The following NF1 variants were observed in gnomAD, a reference collection of about 807,000 sequenced individuals.
The protein encoded by NF1 is neurofibromin 1, also known as neurofibromin.
In NF1, 122 loss-of-function variants were observed where a neutral mutation model predicts 325.7. That is an observed-to-expected ratio of 0.37 (90% CI 0.32 to 0.44). NF1 has a LOEUF of 0.44. Among genes scored for constraint, NF1 ranks in the 20% least tolerant of loss-of-function variants. The pLI is 1.00. For synonymous variants in NF1, 1,091 were observed against 1,186.0 expected (o/e 0.92, Z 1.65); for missense variants, 2,140 against 3,415.4 (o/e 0.63, Z 9.31).
chr17:31,368,579 G>T (rs1238002028), intron 57 of NF1, among the ~76,000 whole-genome samples: 1 of 152,054 alleles, frequency 6.6e-6, no homozygotes, highest in Non-Finnish European at 1.5e-5. Context: ...ATTCTATTTT[G>T]TGCTTATTTA....
At position 31,229,192 on chromosome 17, in the gene NF1, C is replaced by T. The variant is rs746208651; in HGVS notation, c.2577C>T (p.Gly859=). 1.2e-6 allele frequency: 2 copies of T among 1,611,828 alleles called. No homozygotes were observed. The highest frequency in any genetic ancestry group is 1.7e-5 in the Admixed American group (1 of 59,970). The stretch of plus-strand genomic sequence containing the variant: ...GCCTCCAGCAGAGAAGCAATTCTGG[C>T]CTGGCAACCTATAGCCCACCCATGG... ...GVCLQQRSNS[G]LATYSPPMGP... is the part of the protein sequence containing the mutation. Residue 859 remains glycine (G), a synonymous_variant, in exon 21 of 58, where the codon GGC becomes GGT. Coordinates refer to ENST00000358273, the MANE Select transcript of NF1 (RefSeq NM_001042492.3).
Position 31,175,107 on chromosome 17 carries a change from C to CAAAA in NF1, c.586+5132_586+5135dup, listed in dbSNP as rs1171161386. On this transcript the variant is annotated intron_variant, in intron 5 of 57. Coordinates refer to ENST00000358273, the MANE Select transcript of NF1 (RefSeq NM_001042492.3). Reference sequence around the variant, plus strand: ...TGAGCGACAGAGCAAGACTCCATCTCAAAAAAAAAAAAAAAAAAAAAAAAA... The same window carrying CAAAA: ...TGAGCGACAGAGCAAGACTCCATCTCAAAAAAAAAAAAAAAAAAAAAAAAAAAAA... 5.1e-3 allele frequency among the ~76,000 whole-genome samples: 146 copies of CAAAA among 28,816 alleles called. 2 individuals carry two copies. The highest frequency in any genetic ancestry group is 6.2e-3 in the Non-Finnish European group (112 of 18,072). 18.9% of individuals were successfully genotyped at this position (28,816 alleles called of 152,430 possible). A position where few individuals can be genotyped will look rare whatever the true frequency, so the allele number is the denominator to read the frequency against.
At chr17:31,222,333 T>C (rs879343771) in intron 15 of NF1, 31 of 1,039,450 alleles carry the variant, frequency 3.0e-5, no homozygotes, top group Non-Finnish European at 3.6e-5. Flanking sequence ...GTAATACCAA[T>C]GCTTTCGATG....
In NF1 at chr17:31,249,122, A is replaced by C. The variant is rs774669878; in HGVS notation, c.4110+3A>C. On this transcript the variant is annotated splice_donor_region_variant and intron_variant, in intron 30 of 57. Coordinates refer to ENST00000358273, the MANE Select transcript of NF1 (RefSeq NM_001042492.3). ...GTGTGTGCCACTGTTTATACCAGGT[A>C]TGCTTACAGTTAGAGATTACCATTA... The C allele has an allele frequency of 1.9e-6, 3 of 1,613,768 alleles. No individual in the cohort carries two copies. The highest frequency in any genetic ancestry group is 2.5e-6 in the Non-Finnish European group (3 of 1,179,820).
At position 31,259,125 on chromosome 17, in the gene NF1, C is replaced by T. The variant is rs771420960; in HGVS notation, c.4426C>T (p.Arg1476Cys). 14 of 1,596,304 alleles carry T rather than the reference C, an allele frequency of 8.8e-6. No individual in the cohort carries two copies. The highest frequency in any genetic ancestry group is 2.2e-5 in the East Asian group (1 of 44,596). ...DFVKSNFDAA[R>C]RFFLDIASDC... is the part of the protein sequence containing the mutation. ...TGTGAAAAGCAACTTTGATGCAGCA[C>T]GCAGGTAATTTTCTTGCCACTTACT... The change falls in exon 33 of 58, where the codon CGC becomes TGC. Residue 1476 changes from arginine (R) to cysteine (C), a missense_variant. Transcript: ENST00000358273.
intron 1 of NF1, among the ~76,000 whole-genome samples, chr17:31,108,072 G>T (rs1428454557): frequency 6.6e-6 from 1 of 151,666 alleles, no homozygotes; most frequent in African/African-American, 2.4e-5. Flanking sequence ...GGTTGAGCCT[G>T]CAGTGAGTGG....
intron 1 of NF1, among the ~76,000 whole-genome samples, chr17:31,102,628 A>G (rs1912451587): frequency 6.6e-6 from 1 of 151,776 alleles, no homozygotes; most frequent in South Asian, 2.1e-4. Context: ...GCAGCTACTC[A>G]GGAGGCTGAG....
At position 31,146,409 on chromosome 17, in the gene NF1, GTCCATCCATCCATCCA is replaced by G. The variant is rs112178514; in HGVS notation, c.61-9537_61-9522del. Among the ~76,000 whole-genome samples, 355 of 148,620 alleles carry G rather than the reference GTCCATCCATCCATCCA, an allele frequency of 2.4e-3. 3 individuals are homozygous for G. The highest frequency in any genetic ancestry group is 0.01 in the Middle Eastern group (3 of 294). On this transcript the variant is annotated intron_variant, in intron 1 of 57. Coordinates refer to ENST00000358273, the MANE Select transcript of NF1 (RefSeq NM_001042492.3). ...ACAGATTTAGATATCTAATCTGTCT[GTCCATCCATCCATCCA>G]TCCATCCATCCATCCATCCATCCAT...
chr17:31,095,255 G>T lies in NF1; in HGVS notation c.-55G>T. ...AGCCTCCGCTCCCCGCCCTCTTCCC[G>T]GCCCAGGGCGCCGGCCCACCCTTCC... is the stretch of plus-strand genomic sequence containing the variant. On this transcript the variant is annotated 5_prime_UTR_variant, in exon 1 of 58. Transcript: ENST00000358273. The T allele has an allele frequency of 4.0e-6, 6 of 1,510,498 alleles. No individual in the cohort carries two copies. Among genetic ancestry groups the T allele is most frequent in the Non-Finnish European group, 5.3e-6 (6 of 1,125,792 alleles). The allele number at this position is 1,510,498 out of a possible 1,614,324, so 93.6% of individuals were successfully genotyped here. A position where few individuals can be genotyped will look rare whatever the true frequency, so the allele number is the denominator to read the frequency against.
intron 1 of NF1, among the ~76,000 whole-genome samples, chr17:31,122,319 T>A (rs1597585870): frequency 6.6e-6 from 1 of 151,768 alleles, no homozygotes; most frequent in East Asian, 1.9e-4. Flanking sequence ...TGAATAAGAG[T>A]TGAGGAGAGG....
At chr17:31,151,920 A>G (rs1432015044) in intron 1 of NF1, among the ~76,000 whole-genome samples, 2 of 152,080 alleles carry the variant, frequency 1.3e-5, no homozygotes, top group African/African-American at 2.4e-5. Context: ...TCTAGGGTAC[A>G]TGTGCACAAT....
chr17:31,226,723 C>T (rs2151426285), intron 18 of NF1, 39 bp downstream of exon 18: 1 of 1,611,688 alleles, frequency 6.2e-7, no homozygotes, highest in South Asian at 1.1e-5. Context: ...CAGTCTGCCT[C>T]AAAGCACATG....
chr17:31,204,782 C>CCTT (rs919062957), intron 11 of NF1, among the ~76,000 whole-genome samples: 15 of 152,026 alleles, frequency 9.9e-5, no homozygotes, highest in Middle Eastern at 3.4e-3. Flanking sequence ...TAAGGAAGAC[C>CCTT]CTTCACTCAA....
chr17:31,126,590 C>T (rs1339667374), intron 1 of NF1, among the ~76,000 whole-genome samples: 1 of 151,906 alleles, frequency 6.6e-6, no homozygotes, highest in Admixed American at 6.6e-5. Flanking sequence ...TACAGGTACG[C>T]GCCACTGTGC....
At chr17:31,267,418 T>C (rs1220758002) in intron 36 of NF1, among the ~76,000 whole-genome samples, 1 of 152,182 alleles carries the variant, frequency 6.6e-6, no homozygotes, top group East Asian at 1.9e-4. Context: ...GATATGGCAC[T>C]GTCAGTTTCA....
chr17:31,209,771 G>A (rs982252549), intron 12 of NF1, among the ~76,000 whole-genome samples: 14 of 152,008 alleles, frequency 9.2e-5, no homozygotes, highest in African/African-American at 1.2e-4. Flanking sequence ...TCCTGCTTTA[G>A]CCTCCCGACT....
chr17:31,227,087 A>G, intron 18 of NF1, 131 bp from the exon 19 acceptor site: 1 of 904,008 alleles, frequency 1.1e-6, no homozygotes, highest in Non-Finnish European at 1.8e-6. Flanking sequence ...TAGTGAAAGG[A>G]AGTTTTTGGC....
At chr17:31,140,475 A>G (rs1916133620) in intron 1 of NF1, among the ~76,000 whole-genome samples, 1 of 152,238 alleles carries the variant, frequency 6.6e-6, no homozygotes, top group Non-Finnish European at 1.5e-5. Flanking sequence ...TTTTATAAAG[A>G]CAAAAATTTC....
intron 21 of NF1, 125 bp downstream of exon 21, chr17:31,229,590 GA>G (rs2067077448): frequency 1.7e-6 from 2 of 1,200,046 alleles, no homozygotes; most frequent in South Asian, 2.6e-5. Context: ...AAAAATTGCA[GA>G]AAGAAGAGTC....
Sources: gnomAD v4.1 joint callset for allele counts (sites outside exome capture counted in the v4.1 genomes callset) on GRCh38, gnomAD v4.1.1 for gene constraint, MANE v1.5 for transcripts, NCBI Gene and HGNC (gene_info 2026-07-23, HGNC 2026-07-21) for gene names.